The following MAP2K4 variants were observed in gnomAD, a reference collection of about 807,000 sequenced individuals.
The protein encoded by MAP2K4 is dual specificity mitogen-activated protein kinase kinase 4.
A neutral mutation model predicts 48.5 loss-of-function variants in MAP2K4; 4 were observed. That is an observed-to-expected ratio of 0.08 (90% confidence interval 0.04 to 0.19). The LOEUF is 0.19. Among genes scored for constraint, MAP2K4 ranks in the 10% least tolerant of loss-of-function variants. MAP2K4 has a pLI of 1.00. For missense variants in MAP2K4, 258 were observed against 493.3 expected, an observed-to-expected ratio of 0.52 and a Z score of 4.52; for synonymous variants, 166 against 173.1, an observed-to-expected ratio of 0.96 and a Z score of 0.32.
In MAP2K4 at chr17:12,143,708, T is replaced by A; in HGVS notation, c.*2448T>A. 4.3e-6 allele frequency: 1 copy of A among 230,734 alleles called. No homozygotes were observed. Among genetic ancestry groups the A allele is most frequent in the Non-Finnish European group, 8.6e-6 (1 of 116,466 alleles). 14.3% of individuals were successfully genotyped at this position (230,734 alleles called of 1,614,324 possible). On this transcript the variant is annotated 3_prime_UTR_variant, in exon 11 of 11. Coordinates refer to ENST00000353533, the MANE Select transcript of MAP2K4 (RefSeq NM_003010.4). ...TCTATCCTTTTGCCTGCAGGTCAGT[T>A]GTAATAAATCTAGGATGTGATGATG...
chr17:12,141,864 A>G lies in MAP2K4; in HGVS notation c.*604A>G, dbSNP rs576184750. 81 of 233,700 alleles carry G rather than the reference A, an allele frequency of 3.5e-4. No homozygotes were observed. In the East Asian group the frequency reaches 4.1e-3, roughly 12 times the overall value. The allele number at this position is 233,700 out of a possible 1,614,324, so 14.5% of individuals were successfully genotyped here. ...AGCCAAATTTCCTGTTTGAAATATCATGTTAAATTAGAATGAATTTATCTT... is the reference window on the plus strand; with the variant it reads ...AGCCAAATTTCCTGTTTGAAATATCGTGTTAAATTAGAATGAATTTATCTT... On this transcript the variant is annotated 3_prime_UTR_variant, in exon 11 of 11. Transcript: ENST00000353533.
chr17:12,049,071 C>G (rs1970054340), intron 1 of MAP2K4, among the ~76,000 whole-genome samples: 1 of 152,148 alleles, frequency 6.6e-6, no homozygotes, highest in African/African-American at 2.4e-5. Context: ...TTCCTCATTT[C>G]TGAAATTGTT....
At chr17:12,107,419 T>C (rs1186425711) in intron 4 of MAP2K4, among the ~76,000 whole-genome samples, 2 of 150,778 alleles carry the variant, frequency 1.3e-5, no homozygotes, top group Non-Finnish European at 3.0e-5. Flanking sequence ...TTAAGAAGTT[T>C]ATGTAGTCTC....
intron 1 of MAP2K4, 86 bp downstream of exon 1, chr17:12,021,087 C>T: frequency 1.2e-6 from 1 of 815,550 alleles, no homozygotes; most frequent in African/African-American, 1.8e-5. Context: ...CGCCCCCGGA[C>T]CCGGCTGAGG....
chr17:12,062,186 T>A (rs140170505), intron 2 of MAP2K4, among the ~76,000 whole-genome samples: 9 of 152,266 alleles, frequency 5.9e-5, no homozygotes, highest in African/African-American at 1.7e-4. Flanking sequence ...TGATTCTGAT[T>A]ATCTGTTTCC....
intron 8 of MAP2K4, among the ~76,000 whole-genome samples, chr17:12,128,355 G>A (rs1972921200): frequency 6.6e-6 from 1 of 152,232 alleles, no homozygotes; most frequent in Non-Finnish European, 1.5e-5. Flanking sequence ...GGGATTACAG[G>A]CGTGAGCCAC....
At chr17:12,078,603 T>A (rs1971087080) in intron 2 of MAP2K4, among the ~76,000 whole-genome samples, 1 of 150,858 alleles carries the variant, frequency 6.6e-6, no homozygotes. Flanking sequence ...GTCAGGGAAC[T>A]TTTTTTTTCT....
chr17:12,135,194 T>G (rs1053316247), intron 9 of MAP2K4, among the ~76,000 whole-genome samples: 2 of 152,142 alleles, frequency 1.3e-5, no homozygotes, highest in Non-Finnish European at 2.9e-5. Context: ...TTTCAAGTGA[T>G]TCTCCTGCCT....
At chr17:12,112,345 C>A (rs1238431360) in intron 6 of MAP2K4, among the ~76,000 whole-genome samples, 1 of 151,964 alleles carries the variant, frequency 6.6e-6, no homozygotes, top group African/African-American at 2.4e-5. Flanking sequence ...TGCCTGTAAT[C>A]CCAGCTACTT....
At chr17:12,029,365 T>C (rs984397107) in intron 1 of MAP2K4, among the ~76,000 whole-genome samples, 16 of 152,314 alleles carry the variant, frequency 1.1e-4, no homozygotes, top group African/African-American at 3.1e-4. Flanking sequence ...TCTTGATATT[T>C]ATTCTAAGAT....
chr17:12,053,098 C>T (rs2151524784), intron 1 of MAP2K4, among the ~76,000 whole-genome samples: 1 of 152,228 alleles, frequency 6.6e-6, no homozygotes, highest in Admixed American at 6.5e-5. Context: ...CATTTGGTTT[C>T]AAGACCCGGG....
intron 2 of MAP2K4, among the ~76,000 whole-genome samples, chr17:12,079,121 A>G (rs1331712972): frequency 6.7e-6 from 1 of 150,206 alleles, no homozygotes. Flanking sequence ...TTTAAAGTGT[A>G]TAGTTCATTT....
At chr17:12,040,329 G>A (rs1205072412) in intron 1 of MAP2K4, among the ~76,000 whole-genome samples, 1 of 152,150 alleles carries the variant, frequency 6.6e-6, no homozygotes, top group Non-Finnish European at 1.5e-5. Flanking sequence ...TTAAGCCTTG[G>A]TCATCTCTGA....
At position 12,103,720 on chromosome 17, in the gene MAP2K4, G is replaced by A. The variant is rs150062928; in HGVS notation, c.514-4070G>A. Reference sequence around the variant, plus strand: ...TTTCCCCTACATTTTACATAATATCGCTTTATGTATTTTCACATTTAAGTA... The same window carrying A: ...TTTCCCCTACATTTTACATAATATCACTTTATGTATTTTCACATTTAAGTA... On this transcript the variant is annotated intron_variant, in intron 4 of 10. Transcript: ENST00000353533. Among the ~76,000 whole-genome samples the A allele has an allele frequency of 2.6e-3, 400 of 151,668 alleles. 6 individuals are homozygous for A. Among genetic ancestry groups the A allele is most frequent in the African/African-American group, 9.2e-3 (379 of 41,358 alleles).
At chr17:12,097,638 C>T (rs1971801484) in intron 4 of MAP2K4, among the ~76,000 whole-genome samples, 1 of 152,164 alleles carries the variant, frequency 6.6e-6, no homozygotes, top group African/African-American at 2.4e-5. Flanking sequence ...CTGTTGAATG[C>T]TTTGTTGTTT....
At chr17:12,136,329 G>A in intron 9 of MAP2K4, among the ~76,000 whole-genome samples, 1 of 152,206 alleles carries the variant, frequency 6.6e-6, no homozygotes, top group East Asian at 1.9e-4. Flanking sequence ...AGAAATATAA[G>A]CAGGGAACAC....
intron 4 of MAP2K4, among the ~76,000 whole-genome samples, chr17:12,100,732 G>A (rs149326212): frequency 6.6e-6 from 1 of 152,212 alleles, no homozygotes; most frequent in African/African-American, 2.4e-5. Flanking sequence ...TTAGTGTGAT[G>A]TGTTGTGTTA....
intron 2 of MAP2K4, among the ~76,000 whole-genome samples, chr17:12,065,245 TATATATATACATA>T (rs1298819696): frequency 7.2e-6 from 1 of 138,704 alleles, no homozygotes; most frequent in Admixed American, 7.6e-5. Context: ...CAATAACAAT[TATATATATACATA>T]TATTATTATT....
intron 1 of MAP2K4, among the ~76,000 whole-genome samples, chr17:12,038,511 A>G (rs1368643536): frequency 1.3e-5 from 2 of 152,182 alleles, no homozygotes; most frequent in Non-Finnish European, 2.9e-5. Context: ...ATGTGTATCT[A>G]TATATACCTT....
Sources: allele counts gnomAD v4.1 joint callset (sites outside exome capture counted in the v4.1 genomes callset), GRCh38; gene constraint gnomAD v4.1.1; transcripts MANE v1.5; gene names NCBI Gene and HGNC (gene_info 2026-07-23, HGNC 2026-07-21).